The following RORB variants were observed in gnomAD, a reference collection of about 807,000 sequenced individuals.
RORB encodes the protein nuclear receptor ROR-beta.
RORB carries 6 observed loss-of-function variants against 59.1 expected under a neutral mutation model. That is an observed-to-expected ratio of 0.10 (90% CI 0.06 to 0.20). The LOEUF (loss-of-function observed/expected upper bound fraction) is 0.20. Among genes scored for constraint, RORB ranks in the 10% least tolerant of loss-of-function variants. RORB has a pLI of 1.00. For synonymous variants in RORB, 215 were observed against 204.5 expected, an observed-to-expected ratio of 1.05 and a Z score of -0.44; for missense variants, 320 against 560.5, an observed-to-expected ratio of 0.57 and a Z score of 4.33.
At chr9:74,653,893 A>G (rs1157654619) in intron 4 of RORB, among the ~76,000 whole-genome samples, 1 of 152,196 alleles carries the variant, frequency 6.6e-6, no homozygotes, top group Non-Finnish European at 1.5e-5. Flanking sequence ...GTCACTTGCT[A>G]TTTTAGTAAC....
intron 1 of RORB, among the ~76,000 whole-genome samples, chr9:74,552,157 C>G (rs1826620932): frequency 1.3e-5 from 2 of 152,038 alleles, no homozygotes; most frequent in Non-Finnish European, 2.9e-5. Flanking sequence ...AATTTGGGGT[C>G]AGAAAAGGGA....
chr9:74,622,392 A>C (rs1351680999), intron 1 of RORB, among the ~76,000 whole-genome samples: 1 of 152,198 alleles, frequency 6.6e-6, no homozygotes, highest in Non-Finnish European at 1.5e-5. Context: ...AGTTCTCTTC[A>C]CAGAGAGGAG....
intron 1 of RORB, among the ~76,000 whole-genome samples, chr9:74,601,782 A>G (rs1188683400): frequency 6.6e-6 from 1 of 152,144 alleles, no homozygotes; most frequent in African/African-American, 2.4e-5. Context: ...CTTTCCCTCC[A>G]AATTCCTAAT....
intron 4 of RORB, among the ~76,000 whole-genome samples, chr9:74,643,413 A>G (rs766051019): frequency 2.0e-5 from 3 of 152,216 alleles, no homozygotes; most frequent in Non-Finnish European, 4.4e-5. Context: ...GAGAGCAACA[A>G]ATAAGCTAGT....
At chr9:74,504,277 T>A (rs1213277864) in intron 1 of RORB, among the ~76,000 whole-genome samples, 1 of 152,068 alleles carries the variant, frequency 6.6e-6, no homozygotes, top group Non-Finnish European at 1.5e-5. Context: ...TACAGTATTT[T>A]ATACTCAATA....
At position 74,577,606 on chromosome 9, in the gene RORB, A is replaced by G. The variant is rs1822657139; in HGVS notation, c.8-52676A>G. Among the ~76,000 whole-genome samples, 7 of 152,072 alleles carry G rather than the reference A, an allele frequency of 4.6e-5. 1 individual carries two copies. The South Asian group carries it at 1.2e-3, about 27-fold the overall frequency. On this transcript the variant is annotated intron_variant, in intron 1 of 9. Coordinates refer to ENST00000376896, the MANE Select transcript of RORB (RefSeq NM_006914.4). ...CCAAGAGCAAAACACTTCCTGAGAG[A>G]AAGTTAGCAGAAGGTGACACCCATT...
chr9:74,505,637 G>C (rs941791666), intron 1 of RORB, among the ~76,000 whole-genome samples: 2 of 152,054 alleles, frequency 1.3e-5, no homozygotes, highest in African/African-American at 4.8e-5. Context: ...AAGGGGAAGT[G>C]ATGTTTGAGA....
At chr9:74,579,848 C>G (rs2118254110) in intron 1 of RORB, among the ~76,000 whole-genome samples, 1 of 152,266 alleles carries the variant, frequency 6.6e-6, no homozygotes, top group East Asian at 1.9e-4. Context: ...AGCGGTGTTT[C>G]AGAGCTTAAA....
chr9:74,626,003 T>A (rs1477524259), intron 1 of RORB, among the ~76,000 whole-genome samples: 1 of 152,238 alleles, frequency 6.6e-6, no homozygotes, highest in East Asian at 1.9e-4. Flanking sequence ...GCTGGATTAG[T>A]TTATATAATC....
At chr9:74,629,069 C>T (rs1055703864) in intron 1 of RORB, among the ~76,000 whole-genome samples, 1 of 152,130 alleles carries the variant, frequency 6.6e-6, no homozygotes, top group South Asian at 2.1e-4. Context: ...AACTAGGAGT[C>T]ACCTTTGACT....
chr9:74,598,379 TGCAG>T (rs1823005027), intron 1 of RORB, among the ~76,000 whole-genome samples: 3 of 152,172 alleles, frequency 2.0e-5, no homozygotes, highest in African/African-American at 7.2e-5. Context: ...ACTCTCGATC[TGCAG>T]TTCAGAGAAA....
In RORB at chr9:74,692,571, G is replaced by A. The variant is rs201909263; in HGVS notation, c.*6953G>A. On this transcript the variant is annotated 3_prime_UTR_variant, in exon 10 of 10. Coordinates refer to ENST00000376896, the MANE Select transcript of RORB (RefSeq NM_006914.4). ...CTACTGCGCCTGGGGGGCAGCATGG[G>A]AGGGGTACAGTTTGCATCTCATTAG... is the stretch of plus-strand genomic sequence containing the variant. 30 of 152,286 alleles carry A rather than the reference G, an allele frequency of 2.0e-4. No individual in the cohort carries two copies. The East Asian group carries it at 5.6e-3, about 28-fold the overall frequency. The allele number at this position is 152,286 out of a possible 1,614,324, so 9.4% of individuals were successfully genotyped here. A position where few individuals can be genotyped will look rare whatever the true frequency, so the allele number is the denominator to read the frequency against.
At chr9:74,610,772 GA>G (rs2118356294) in intron 1 of RORB, among the ~76,000 whole-genome samples, 1 of 152,312 alleles carries the variant, frequency 6.6e-6, no homozygotes, top group African/African-American at 2.4e-5. Context: ...CAGCAGTTCT[GA>G]AACATGAGCA....
chr9:74,614,650 A>C (rs1823281157), intron 1 of RORB, among the ~76,000 whole-genome samples: 1 of 152,172 alleles, frequency 6.6e-6, no homozygotes, highest in East Asian at 1.9e-4. Flanking sequence ...AGAAATCAAG[A>C]GCTTTCAAAG....
chr9:74,499,596 T>C (rs1298318758), intron 1 of RORB, among the ~76,000 whole-genome samples: 1 of 152,168 alleles, frequency 6.6e-6, no homozygotes, highest in African/African-American at 2.4e-5. Context: ...TCCAGCTGAT[T>C]GTCCCGGTTG....
At chr9:74,549,601 GAA>G (rs1563934587) in intron 1 of RORB, among the ~76,000 whole-genome samples, 8 of 59,862 alleles carry the variant, frequency 1.3e-4, no homozygotes, top group African/African-American at 6.7e-4. Context: ...AGGAAGGAAG[GAA>G]GGAAGAAAGG....
chr9:74,674,510 G>T (rs1186084246), intron 9 of RORB, among the ~76,000 whole-genome samples: 3 of 152,190 alleles, frequency 2.0e-5, no homozygotes, highest in Non-Finnish European at 4.4e-5. Flanking sequence ...ACAGACATCA[G>T]GTTAGAGGTA....
At chr9:74,664,940 T>C (rs894298423) in intron 6 of RORB, among the ~76,000 whole-genome samples, 4 of 152,202 alleles carry the variant, frequency 2.6e-5, no homozygotes, top group African/African-American at 9.7e-5. Flanking sequence ...AGTAAACAAA[T>C]TCATTCAATA....
intron 1 of RORB, among the ~76,000 whole-genome samples, chr9:74,548,585 T>G (rs1025147220): frequency 1.3e-5 from 2 of 152,222 alleles, no homozygotes; most frequent in African/African-American, 4.8e-5. Flanking sequence ...CTAGGTTTGC[T>G]GCACAAACAG....
Sources: gnomAD v4.1 joint callset for allele counts (sites outside exome capture counted in the v4.1 genomes callset) on GRCh38, gnomAD v4.1.1 for gene constraint, MANE v1.5 for transcripts, NCBI Gene and HGNC (gene_info 2026-07-23, HGNC 2026-07-21) for gene names.